Variants in AAGAB observed in about 807,000 individuals in gnomAD.
AAGAB encodes alpha and gamma adaptin binding protein.
A neutral mutation model predicts 44.1 loss-of-function variants in AAGAB; 38 were observed. That is an observed-to-expected ratio of 0.86 (90% CI 0.67 to 1.13). AAGAB has a LOEUF of 1.13. AAGAB is among the 50% of genes most tolerant of loss of function. The pLI, the probability that AAGAB is intolerant of heterozygous loss-of-function variation, is 0.00. For missense variants in AAGAB, 450 were observed against 373.8 expected (o/e 1.20, Z -1.68); for synonymous variants, 131 against 131.8 (o/e 0.99, Z 0.04).
intron 6 of AAGAB, among the ~76,000 whole-genome samples, chr15:67,208,909 T>C (rs1963745939): frequency 1.3e-5 from 2 of 152,248 alleles, no homozygotes; most frequent in Non-Finnish European, 2.9e-5. Context: ...TGTTTTTTGT[T>C]TGTCTCATTT....
At chr15:67,217,512 A>C (rs1963977584) in intron 5 of AAGAB, among the ~76,000 whole-genome samples, 1 of 152,190 alleles carries the variant, frequency 6.6e-6, no homozygotes, top group Non-Finnish European at 1.5e-5. Context: ...CAAGTATCAC[A>C]GATAGACCTT....
chr15:67,246,676 G>A (rs1964731733), intron 1 of AAGAB, among the ~76,000 whole-genome samples: 1 of 151,296 alleles, frequency 6.6e-6, no homozygotes, highest in Non-Finnish European at 1.5e-5. Flanking sequence ...TCTGTGTCTA[G>A]CTAAAGGATT....
chr15:67,210,480 C>T (rs112570005), intron 5 of AAGAB, among the ~76,000 whole-genome samples: 3 of 149,730 alleles, frequency 2.0e-5, no homozygotes, highest in Non-Finnish European at 3.0e-5. Flanking sequence ...CGCACCACTG[C>T]ACTCCAGGCT....
intron 8 of AAGAB, 133 bp from the exon 9 acceptor site, chr15:67,203,730 T>C (rs1374758726): frequency 2.6e-6 from 2 of 783,568 alleles, no homozygotes; most frequent in East Asian, 5.3e-5. Flanking sequence ...TATTAGGAAG[T>C]TTTTAAGTCT....
intron 8 of AAGAB, among the ~76,000 whole-genome samples, chr15:67,203,814 T>C (rs1285792198): frequency 6.6e-6 from 1 of 152,094 alleles, no homozygotes; most frequent in Non-Finnish European, 1.5e-5. Flanking sequence ...TGTAACACAT[T>C]GAAAGAAACA....
At chr15:67,222,117 GGTCA>G (rs1964077960) in intron 5 of AAGAB, among the ~76,000 whole-genome samples, 1 of 151,960 alleles carries the variant, frequency 6.6e-6, no homozygotes, top group Non-Finnish European at 1.5e-5. Flanking sequence ...TAAATTCCAT[GGTCA>G]ATCATTATAA....
At chr15:67,235,867 G>C (rs1031586888) in intron 4 of AAGAB, 112 bp downstream of exon 4, 2 of 814,940 alleles carry the variant, frequency 2.5e-6, no homozygotes, top group African/African-American at 3.5e-5. Context: ...TTAAATCCTT[G>C]AAACAGCTGG....
chr15:67,203,011 C>T (rs2140340204), intron 9 of AAGAB, 113 bp from the exon 10 acceptor site: 2 of 897,596 alleles, frequency 2.2e-6, no homozygotes, highest in Middle Eastern at 2.1e-4. Context: ...CCCTCCAGTC[C>T]TCTGGCAACA....
chr15:67,208,082 G>A (rs1223017412), intron 7 of AAGAB, among the ~76,000 whole-genome samples: 1 of 152,168 alleles, frequency 6.6e-6, no homozygotes, highest in Non-Finnish European at 1.5e-5. Flanking sequence ...TCCAGCTTCA[G>A]CTCCAGGCCC....
intron 1 of AAGAB, among the ~76,000 whole-genome samples, chr15:67,250,684 G>A (rs183555859): frequency 2.0e-5 from 3 of 152,224 alleles, no homozygotes; most frequent in Admixed American, 1.3e-4. Context: ...CTCTCATATC[G>A]TGTATTACAA....
rs147319449 is a variant in AAGAB at position 67,246,923 on chromosome 15, C to T, written c.73+7636G>A. Among the ~76,000 whole-genome samples the T allele has an allele frequency of 3.7e-3, 562 of 152,306 alleles. 2 individuals carry two copies. The highest frequency in any genetic ancestry group is 7.1e-3 in the South Asian group (34 of 4,820). ...GCCACCCAAGCCAGCAGCAGCAACC[C>T]GTTCGGGTCCCCTTCCACGCTGTGG... is the stretch of plus-strand genomic sequence containing the variant. On this transcript the variant is annotated intron_variant, in intron 1 of 9. Coordinates refer to ENST00000261880, the MANE Select transcript of AAGAB (RefSeq NM_024666.5).
chr15:67,245,863 A>C (rs1175207992), intron 1 of AAGAB, among the ~76,000 whole-genome samples: 1 of 152,198 alleles, frequency 6.6e-6, no homozygotes, highest in Non-Finnish European at 1.5e-5. Flanking sequence ...ATACAACCCC[A>C]GGAAAATTCA....
Position 67,236,068 on chromosome 15 carries a change from C to T in AAGAB, c.362G>A (p.Gly121Asp), listed in dbSNP as rs1046679648. Residue 121 changes from glycine (G) to aspartate (D), a missense_variant and splice_region_variant, in exon 4 of 10, where the codon GGT becomes GAT. Physicochemically the swap from Gly to Asp is moderately conservative, Grantham distance 94 (BLOSUM62 -1). Coordinates refer to ENST00000261880, the MANE Select transcript of AAGAB (RefSeq NM_024666.5). ...ILVCDRVSED[G>D]INRQKAQEWC... Reference sequence around the variant, plus strand: ...TTCTTGAGCTTTTTGTCGGTTTATACCTAAAATAATATGCAAAAGAATCTT... The same window carrying T: ...TTCTTGAGCTTTTTGTCGGTTTATATCTAAAATAATATGCAAAAGAATCTT... 7 of 1,600,710 alleles carry T rather than the reference C, an allele frequency of 4.4e-6. No homozygotes were observed. The highest frequency in any genetic ancestry group is 2.2e-5 in the South Asian group (2 of 89,350).
rs774684811 is a variant in AAGAB, at chr15:67,254,632, A to G, written c.-1T>C. 2 of 1,595,570 alleles carry G rather than the reference A, an allele frequency of 1.3e-6. No individual in the cohort carries two copies. The highest frequency in any genetic ancestry group is 1.7e-6 in the Non-Finnish European group (2 of 1,173,956). ...ACGCACAGGGTACGCCAGCAGCCAT[A>G]GCTGCGCTCGCGAGCCGGTTCCGTC... On this transcript the variant is annotated 5_prime_UTR_variant, in exon 1 of 10. Coordinates refer to ENST00000261880, the MANE Select transcript of AAGAB (RefSeq NM_024666.5).
At chr15:67,249,301 C>T (rs1964805376) in intron 1 of AAGAB, among the ~76,000 whole-genome samples, 2 of 152,110 alleles carry the variant, frequency 1.3e-5, no homozygotes, top group African/African-American at 4.8e-5. Flanking sequence ...TCCCAAAGTG[C>T]TGGGATTACA....
chr15:67,211,933 G>A (rs1037651675), intron 5 of AAGAB, among the ~76,000 whole-genome samples: 1 of 151,558 alleles, frequency 6.6e-6, no homozygotes, highest in Non-Finnish European at 1.5e-5. Context: ...AGGCTGGAGT[G>A]CAGTGGTGCG....
chr15:67,231,446 T>C (rs1323138014), intron 5 of AAGAB, among the ~76,000 whole-genome samples: 2 of 152,218 alleles, frequency 1.3e-5, no homozygotes, highest in Non-Finnish European at 2.9e-5. Flanking sequence ...GCATCAGTCA[T>C]CTGTACTCAT....
chr15:67,228,885 A>T (rs1964267363), intron 5 of AAGAB, among the ~76,000 whole-genome samples: 1 of 152,158 alleles, frequency 6.6e-6, no homozygotes, highest in East Asian at 1.9e-4. Flanking sequence ...ACAACAAAAA[A>T]CAAATTAACA....
intron 1 of AAGAB, among the ~76,000 whole-genome samples, chr15:67,241,095 C>T (rs1033695399): frequency 6.7e-6 from 1 of 148,600 alleles, no homozygotes; most frequent in Non-Finnish European, 1.5e-5. Context: ...TAAACATGCA[C>T]ACACACAACC....
Sources: allele counts gnomAD v4.1 joint callset (sites outside exome capture counted in the v4.1 genomes callset), GRCh38; gene constraint gnomAD v4.1.1; transcripts MANE v1.5; gene names NCBI Gene and HGNC (gene_info 2026-07-23, HGNC 2026-07-21).